Variants in CDK12 observed in about 807,000 individuals in gnomAD.
The protein encoded by CDK12 is cyclin-dependent kinase 12.
In CDK12, 17 loss-of-function variants were observed where a neutral mutation model predicts 133.8. That is an observed-to-expected ratio of 0.13 (90% CI 0.09 to 0.19). The LOEUF is 0.19. Among genes scored for constraint, CDK12 ranks in the 10% least tolerant of loss-of-function variants. The pLI is 1.00. For synonymous variants in CDK12, 694 were observed against 683.6 expected, an observed-to-expected ratio of 1.02 and a Z score of -0.24; for missense variants, 1,508 against 1,818.7, an observed-to-expected ratio of 0.83 and a Z score of 3.11.
chr17:39,513,825 G>T (rs1012447163), intron 8 of CDK12, among the ~76,000 whole-genome samples: 1 of 152,208 alleles, frequency 6.6e-6, no homozygotes, highest in Non-Finnish European at 1.5e-5. Flanking sequence ...TAGTCTCTCT[G>T]AAGATATTTT....
chr17:39,470,202 G>A (rs2049689109), intron 1 of CDK12, among the ~76,000 whole-genome samples: 1 of 150,478 alleles, frequency 6.6e-6, no homozygotes, highest in Admixed American at 6.7e-5. Context: ...CTTACTGTAA[G>A]CTCCACCTCC....
intron 3 of CDK12, among the ~76,000 whole-genome samples, chr17:39,558,298 G>T (rs560428308): frequency 6.6e-6 from 1 of 152,286 alleles, no homozygotes; most frequent in East Asian, 1.9e-4. Flanking sequence ...GTTCTGCCTG[G>T]AAGTTCAGCT....
In CDK12 at chr17:39,514,910, A is replaced by G. The variant is rs530531302; in HGVS notation, c.2769-821A>G. Among the ~76,000 whole-genome samples, 3 of 152,184 alleles carry G rather than the reference A, an allele frequency of 2.0e-5. 1 individual carries two copies. The South Asian group carries it at 6.2e-4, about 32-fold the overall frequency. The stretch of plus-strand genomic sequence containing the variant: ...GTACCCTCCCATTCCCAGGCAAACC[A>G]CTGTTCTGCATTCTGTCACTATAAT... On this transcript the variant is annotated intron_variant, in intron 8 of 13. Coordinates refer to ENST00000447079, the MANE Select transcript of CDK12 (RefSeq NM_016507.4).
At chr17:39,468,414 A>G (rs538476932) in intron 1 of CDK12, among the ~76,000 whole-genome samples, 92 of 152,232 alleles carry the variant, frequency 6.0e-4, no homozygotes, top group Non-Finnish European at 1.0e-3. Context: ...AATGGAAGCA[A>G]TTTGTTTTAG....
At position 39,533,036 on chromosome 17, in the gene CDK12, AAAAAT is replaced by A. The variant is rs1374106418; in HGVS notation, c.*1726_*1730del. On this transcript the variant is annotated 3_prime_UTR_variant, in exon 14 of 14. Transcript: ENST00000447079. Reference sequence around the variant, plus strand: ...GTTTCAATGCCAAGTTCTTATTTTAAAAAATAAAATCTACTTATAAGAGAAAGGTG... The same window carrying A: ...GTTTCAATGCCAAGTTCTTATTTTAAAAAATCTACTTATAAGAGAAAGGTG... 4.3e-6 allele frequency: 1 copy of A among 232,392 alleles called. No homozygotes were observed. The highest frequency in any genetic ancestry group is 8.5e-6 in the Non-Finnish European group (1 of 117,754). The allele number at this position is 232,392 out of a possible 1,614,324, so 14.4% of individuals were successfully genotyped here.
chr17:39,479,719 C>T (rs556053213), intron 2 of CDK12, among the ~76,000 whole-genome samples: 2 of 151,198 alleles, frequency 1.3e-5, no homozygotes, highest in African/African-American at 4.9e-5. Context: ...CTCCGCCTCT[C>T]GGGTTCAAGC....
At chr17:39,528,866 C>A (rs1251516364) in intron 13 of CDK12, among the ~76,000 whole-genome samples, 1 of 152,088 alleles carries the variant, frequency 6.6e-6, no homozygotes, top group Non-Finnish European at 1.5e-5. Flanking sequence ...TATGTGTAGT[C>A]CAGAAATACT....
intron 2 of CDK12, among the ~76,000 whole-genome samples, chr17:39,480,684 A>G (rs927514940): frequency 1.2e-4 from 19 of 152,010 alleles, no homozygotes; most frequent in African/African-American, 4.6e-4. Flanking sequence ...TGGCCTCCCA[A>G]AGTGCTGGGA....
chr17:39,463,807 A>G (rs897036750), intron 1 of CDK12, among the ~76,000 whole-genome samples: 8 of 152,008 alleles, frequency 5.3e-5, no homozygotes, highest in Admixed American at 1.3e-4. Flanking sequence ...TCTCTAAAAC[A>G]CATAGTAATA....
rs369470001 is a variant in CDK12 at position 39,517,563 on chromosome 17, T to C, written c.2963+7T>C. ...TACGAGAAGAATTCTCTTTGTGAGTTTGGGGAAAATGAACATCTCGTTTCT... is the reference window on the plus strand; with the variant it reads ...TACGAGAAGAATTCTCTTTGTGAGTCTGGGGAAAATGAACATCTCGTTTCT... On this transcript the variant is annotated splice_region_variant and intron_variant, in intron 10 of 13. Coordinates refer to ENST00000447079, the MANE Select transcript of CDK12 (RefSeq NM_016507.4). The C allele has an allele frequency of 5.9e-5, 89 of 1,517,984 alleles. No homozygotes were observed. In the Admixed American group the frequency reaches 7.7e-4, roughly 13 times the overall value. 94.0% of individuals were successfully genotyped at this position (1,517,984 alleles called of 1,614,324 possible).
In CDK12 at chr17:39,531,280, A is replaced by G; in HGVS notation, c.4437A>G (p.Pro1479=). 6.7e-7 allele frequency: 1 copy of G among 1,498,638 alleles called. No homozygotes were observed. Among genetic ancestry groups the G allele is most frequent in the Non-Finnish European group, 8.9e-7 (1 of 1,127,292 alleles). The allele number at this position is 1,498,638 out of a possible 1,614,324, so 92.8% of individuals were successfully genotyped here. A position where few individuals can be genotyped will look rare whatever the true frequency, so the allele number is the denominator to read the frequency against. The change falls in exon 14 of 14, where the codon CCA becomes CCG. Residue 1479 remains proline, a synonymous_variant. Transcript: ENST00000447079. ...GKLYRGPTRV[P]PRGGRGRGVP... is the part of the protein sequence containing the mutation. ...TCTATCGGGGGCCTACAAGAGTCCCACCAAGAGGGGGAAGAGGGAGAGGAG... is the reference window on the plus strand; with the variant it reads ...TCTATCGGGGGCCTACAAGAGTCCCGCCAAGAGGGGGAAGAGGGAGAGGAG...
upstream of CDK12, among the ~76,000 whole-genome samples, chr17:39,544,868 A>G (rs931609013): frequency 1.3e-5 from 2 of 151,798 alleles, no homozygotes; most frequent in Non-Finnish European, 2.9e-5. Context: ...GACCTCAGGT[A>G]ATCCGCCCGC....
Position 39,511,523 on chromosome 17 carries a change from T to C in CDK12, c.2667-6T>C, listed in dbSNP as rs2146371287. ...GTTTATGTCATGGTTGTTTTTTATA[T>C]TTCAGTCGCCCTTACACAAACAAAG... On this transcript the variant is annotated splice_region_variant and splice_polypyrimidine_tract_variant and intron_variant, in intron 7 of 13. Coordinates refer to ENST00000447079, the MANE Select transcript of CDK12 (RefSeq NM_016507.4). The C allele has an allele frequency of 1.3e-6, 2 of 1,579,832 alleles. No homozygotes were observed. The highest frequency in any genetic ancestry group is 8.7e-7 in the Non-Finnish European group (1 of 1,153,416).
intron 3 of CDK12, among the ~76,000 whole-genome samples, chr17:39,561,658 C>T (rs1305003492): frequency 6.6e-6 from 1 of 152,180 alleles, no homozygotes; most frequent in African/African-American, 2.4e-5. Flanking sequence ...TTCTGTCTGG[C>T]CAAAGGCTCC....
downstream of CDK12, among the ~76,000 whole-genome samples, chr17:39,536,771 C>T (rs760615348): frequency 2.3e-4 from 35 of 152,128 alleles, no homozygotes; most frequent in Non-Finnish European, 4.1e-4. Context: ...ATTAGTACTC[C>T]AAGGCTGAGA....
At chr17:39,479,266 C>T (rs1033065432) in intron 2 of CDK12, among the ~76,000 whole-genome samples, 11 of 136,516 alleles carry the variant, frequency 8.1e-5, no homozygotes, top group African/African-American at 3.1e-4. Context: ...CGCGATCATG[C>T]CACTGCACTC....
chr17:39,538,904 AATACATACATACATACATAC>A (rs199620122), downstream of CDK12, among the ~76,000 whole-genome samples: 14 of 145,002 alleles, frequency 9.7e-5, no homozygotes, highest in South Asian at 2.2e-4. Context: ...ATCTCAAATA[AATACATACATACATACATAC>A]ATACATACAT....
chr17:39,521,896 C>G lies in CDK12; in HGVS notation c.3095+1809C>G, dbSNP rs78311171. On this transcript the variant is annotated intron_variant, in intron 11 of 13. Coordinates refer to ENST00000447079, the MANE Select transcript of CDK12 (RefSeq NM_016507.4). ...TTTTTTCCAATTGTAGAAATGGAGT[C>G]TCACAATGTTGTCCAGACTGTCTCA... Among the ~76,000 whole-genome samples, 1,084 of 149,306 alleles carry G rather than the reference C, an allele frequency of 7.3e-3. 15 individuals are homozygous for G. Among genetic ancestry groups the G allele is most frequent in the African/African-American group, 0.026 (1,040 of 40,430 alleles).
intron 2 of CDK12, among the ~76,000 whole-genome samples, chr17:39,480,107 A>G (rs2050523428): frequency 6.6e-6 from 1 of 151,888 alleles, no homozygotes; most frequent in Non-Finnish European, 1.5e-5. Context: ...TATTTTTAGT[A>G]GAGACGGGGT....
Sources: allele counts gnomAD v4.1 joint callset (sites outside exome capture counted in the v4.1 genomes callset), GRCh38; gene constraint gnomAD v4.1.1; transcripts MANE v1.5; gene names NCBI Gene and HGNC (gene_info 2026-07-23, HGNC 2026-07-21).